The following RNF157 variants were observed in gnomAD, a reference collection of about 807,000 sequenced individuals.
RNF157 encodes E3 ubiquitin ligase RNF157.
Under a neutral mutation model 88.3 loss-of-function variants are expected in RNF157, and 55 were observed. The observed-to-expected ratio is 0.62, with a 90% CI of 0.50 to 0.78. RNF157 has a LOEUF of 0.78. Ranked by LOEUF, RNF157 falls within the 30% of genes least tolerant of loss-of-function variation. The probability of loss-of-function intolerance (pLI) is 0.00; values close to 1 mark genes in which losing one functional copy is unlikely to be tolerated. For synonymous variants in RNF157, 334 were observed against 341.2 expected, an observed-to-expected ratio of 0.98 and a Z score of 0.23; for missense variants, 788 against 860.8, an observed-to-expected ratio of 0.92 and a Z score of 1.06.
chr17:76,162,165 G>A, intron 9 of RNF157, 163 bp from the exon 10 acceptor site: 2 of 683,574 alleles, frequency 2.9e-6, no homozygotes, highest in Non-Finnish European at 2.4e-6. Context: ...CACACACTTA[G>A]CTTCACTTCT....
At chr17:76,228,205 A>C (rs938241450) in intron 1 of RNF157, among the ~76,000 whole-genome samples, 6 of 152,174 alleles carry the variant, frequency 3.9e-5, no homozygotes, top group Non-Finnish European at 7.3e-5. Flanking sequence ...GGACCAGTAC[A>C]ACACAGACTG....
At chr17:76,171,705 G>T (rs1030113986) in intron 3 of RNF157, among the ~76,000 whole-genome samples, 6 of 152,156 alleles carry the variant, frequency 3.9e-5, no homozygotes, top group African/African-American at 1.4e-4. Flanking sequence ...CAACCACCAT[G>T]AAAGGTAAAG....
intron 2 of RNF157, among the ~76,000 whole-genome samples, chr17:76,186,875 G>A (rs2069299418): frequency 6.6e-6 from 1 of 151,952 alleles, no homozygotes; most frequent in Admixed American, 6.6e-5. Flanking sequence ...AGGAGGCAGA[G>A]GTTGCAGTGA....
intron 3 of RNF157, among the ~76,000 whole-genome samples, chr17:76,170,906 T>C (rs2069002431): frequency 6.6e-6 from 1 of 152,204 alleles, no homozygotes; most frequent in African/African-American, 2.4e-5. Context: ...TTTATTTATT[T>C]TATTGAGATG....
chr17:76,209,548 T>C (rs2069741342), intron 2 of RNF157, among the ~76,000 whole-genome samples: 1 of 151,910 alleles, frequency 6.6e-6, no homozygotes, highest in Non-Finnish European at 1.5e-5. Flanking sequence ...TGTGGCCCAA[T>C]GTGACAATTC....
chr17:76,159,692 A>G, intron 11 of RNF157, 119 bp from the exon 12 acceptor site: 1 of 729,898 alleles, frequency 1.4e-6, no homozygotes, highest in Non-Finnish European at 2.4e-6. Context: ...GGGGTCTGGT[A>G]AGAACAACTG....
In RNF157 at chr17:76,231,722, T is replaced by C. The variant is rs147837934; in HGVS notation, c.88+8431A>G. 3.8e-3 allele frequency among the ~76,000 whole-genome samples: 581 copies of C among 152,328 alleles called. 3 individuals carry two copies. The highest frequency in any genetic ancestry group is 0.013 in the African/African-American group (547 of 41,568). Reference sequence around the variant, plus strand: ...TCATCAAGCTCTTGTCTTTATTTTATCCAAAAGGCACAAACCCCTCTGTGC... The same window carrying C: ...TCATCAAGCTCTTGTCTTTATTTTACCCAAAAGGCACAAACCCCTCTGTGC... On this transcript the variant is annotated intron_variant, in intron 1 of 18. Coordinates refer to ENST00000269391, the MANE Select transcript of RNF157 (RefSeq NM_052916.3).
chr17:76,164,426 A>G (rs1340001495), intron 8 of RNF157: 2 of 205,888 alleles, frequency 9.7e-6, no homozygotes, highest in Non-Finnish European at 1.9e-5. Flanking sequence ...CCTAAACCCA[A>G]TGTTGGGAAA....
chr17:76,158,416 GTC>G lies in RNF157; in HGVS notation c.1388_1389del (p.Arg463ThrfsTer17), dbSNP rs754242632. The stretch of plus-strand genomic sequence containing the variant: ...ACCTCTCCGAGATGCTGAACCGACG[GTC>G]TCTGAGAGAGCTGTGTCTCCGACTC... ...CSESETQLSQ[R>X]PSVQHLGEEC... On this transcript the variant is annotated frameshift_variant, in exon 13 of 19. Coordinates refer to ENST00000269391, the MANE Select transcript of RNF157 (RefSeq NM_052916.3). LOFTEE classifies it high-confidence loss of function. The G allele has an allele frequency of 6.2e-7, 1 of 1,613,054 alleles. No individual in the cohort carries two copies. Among genetic ancestry groups the G allele is most frequent in the Non-Finnish European group, 8.5e-7 (1 of 1,179,200 alleles).
At position 76,231,749 on chromosome 17, in the gene RNF157, G is replaced by A. The variant is rs79860525; in HGVS notation, c.88+8404C>T. The stretch of plus-strand genomic sequence containing the variant: ...CAAAAGGCACAAACCCCTCTGTGCT[G>A]TTATTTTTAAGAGCTTTATTGAAGT... On this transcript the variant is annotated intron_variant, in intron 1 of 18. Transcript: ENST00000269391. Among the ~76,000 whole-genome samples, 962 of 152,206 alleles carry A rather than the reference G, an allele frequency of 6.3e-3. 11 individuals carry two copies. The highest frequency in any genetic ancestry group is 0.022 in the African/African-American group (915 of 41,508).
intron 2 of RNF157, among the ~76,000 whole-genome samples, chr17:76,192,696 G>C (rs1004580480): frequency 6.6e-6 from 1 of 152,120 alleles, no homozygotes; most frequent in Admixed American, 6.6e-5. Flanking sequence ...TACTGAGTAA[G>C]CTTGACTAGC....
chr17:76,192,458 A>AC (rs1307523751), intron 2 of RNF157, among the ~76,000 whole-genome samples: 1 of 152,210 alleles, frequency 6.6e-6, no homozygotes, highest in East Asian at 1.9e-4. Context: ...TCTTCGTGTT[A>AC]CCCCTAGTGA....
At chr17:76,226,673 T>C (rs2070093068) in intron 1 of RNF157, 2 of 1,612,216 alleles carry the variant, frequency 1.2e-6, no homozygotes, top group South Asian at 1.1e-5. Context: ...CCCATGAGGT[T>C]TGAAGTGCTT....
chr17:76,158,252 T>G (rs1870881834), intron 13 of RNF157, 141 bp downstream of exon 13: 2 of 672,880 alleles, frequency 3.0e-6, no homozygotes, highest in South Asian at 3.3e-5. Context: ...ATGAATCCAG[T>G]GAAACCTTTG....
chr17:76,185,579 C>G lies in RNF157; in HGVS notation c.208-11789G>C, dbSNP rs1006207084. Among the ~76,000 whole-genome samples, 8 of 151,368 alleles carry G rather than the reference C, an allele frequency of 5.3e-5. No individual in the cohort carries two copies. In the South Asian group the frequency reaches 8.3e-4, roughly 16 times the overall value. ...CCGCCTCCCGGGTTCACGCCATTCTCCTGCCTCAGCCTCCCGAGTAGCTGG... is the reference window on the plus strand; with the variant it reads ...CCGCCTCCCGGGTTCACGCCATTCTGCTGCCTCAGCCTCCCGAGTAGCTGG... On this transcript the variant is annotated intron_variant, in intron 2 of 18. Transcript: ENST00000269391.
intron 2 of RNF157, among the ~76,000 whole-genome samples, chr17:76,179,591 G>A (rs185267532): frequency 0.01 from 1,550 of 152,226 alleles, 7 homozygotes; most frequent in Non-Finnish European, 0.017. Context: ...TACTAGGGAG[G>A]CTGAGGCAGA....
chr17:76,147,280 T>C, intron 18 of RNF157: 2 of 985,014 alleles, frequency 2.0e-6, no homozygotes, highest in Non-Finnish European at 2.4e-6. Flanking sequence ...TATTCCTCAA[T>C]GTTTATGGGG....
chr17:76,198,514 C>G (rs2069515901), intron 2 of RNF157, among the ~76,000 whole-genome samples: 1 of 152,086 alleles, frequency 6.6e-6, no homozygotes. Context: ...CTTTGGGGGG[C>G]CTGAACATAC....
intron 1 of RNF157, among the ~76,000 whole-genome samples, chr17:76,227,047 G>A (rs1215329194): frequency 2.6e-5 from 4 of 152,082 alleles, no homozygotes; most frequent in Non-Finnish European, 5.9e-5. Context: ...AGGCGTGCAC[G>A]TGCGGAAAAA....
Sources: allele counts gnomAD v4.1 joint callset (sites outside exome capture counted in the v4.1 genomes callset), GRCh38; gene constraint gnomAD v4.1.1; transcripts MANE v1.5; gene names NCBI Gene and HGNC (gene_info 2026-07-23, HGNC 2026-07-21).